Variants in WWOX observed in about 807,000 individuals in gnomAD.
The protein encoded by WWOX is WW domain containing oxidoreductase.
In WWOX, 69 loss-of-function variants were observed where a neutral mutation model predicts 46.2. That is an observed-to-expected ratio of 1.49 (90% CI 1.23 to 1.82). The LOEUF (loss-of-function observed/expected upper bound fraction) is 1.82, where lower values mean the gene tolerates loss of function less well. WWOX is among the 40% of genes most tolerant of loss of function. The pLI is 0.00. For synonymous variants in WWOX, 359 were observed against 202.6 expected, an observed-to-expected ratio of 1.77 and a Z score of -6.56; for missense variants, 919 against 542.6, an observed-to-expected ratio of 1.69 and a Z score of -6.89.
chr16:79,069,771 G>A lies in WWOX; in HGVS notation c.1057-141837G>A, dbSNP rs917651129. Among the ~76,000 whole-genome samples, 8 of 152,276 alleles carry A rather than the reference G, an allele frequency of 5.3e-5. No individual in the cohort carries two copies. The East Asian group carries it at 5.8e-4, about 11-fold the overall frequency. The stretch of plus-strand genomic sequence containing the variant: ...TGTTATTAGGGAAAGAAGAGAAGCC[G>A]GGAAGGAGGAGGAGGTTTCTGGGGT... On this transcript the variant is annotated intron_variant, in intron 8 of 8. Transcript: ENST00000566780.
chr16:78,384,108 G>A (rs1453714794), intron 5 of WWOX, among the ~76,000 whole-genome samples: 1 of 152,088 alleles, frequency 6.6e-6, no homozygotes, highest in African/African-American at 2.4e-5. Context: ...TGTTTTATGG[G>A]GGAAATACAT....
intron 8 of WWOX, among the ~76,000 whole-genome samples, chr16:78,548,192 G>A (rs983128909): frequency 4.6e-5 from 6 of 130,150 alleles, no homozygotes; most frequent in East Asian, 4.8e-4. Context: ...CGAATTTTGC[G>A]AGGACGCAAA....
At chr16:78,329,218 G>A (rs1452180482) in intron 5 of WWOX, among the ~76,000 whole-genome samples, 1 of 152,074 alleles carries the variant, frequency 6.6e-6, no homozygotes, top group Admixed American at 6.6e-5. Context: ...CAACCCCATG[G>A]TATCGGTGGA....
intron 8 of WWOX, among the ~76,000 whole-genome samples, chr16:78,646,425 A>G (rs545883711): frequency 1.6e-4 from 25 of 151,804 alleles, no homozygotes; most frequent in Non-Finnish European, 3.4e-4. Context: ...AACGCAATTT[A>G]TATATTTTAA....
intron 8 of WWOX, among the ~76,000 whole-genome samples, chr16:78,971,386 C>T (rs1008888800): frequency 7.4e-6 from 1 of 135,784 alleles, no homozygotes; most frequent in South Asian, 2.5e-4. Flanking sequence ...GTCCGGGAGG[C>T]GGAGGTTGCA....
At chr16:78,835,365 G>A (rs568968050) in intron 8 of WWOX, among the ~76,000 whole-genome samples, 3 of 152,220 alleles carry the variant, frequency 2.0e-5, no homozygotes, top group South Asian at 4.1e-4. Context: ...AAATCCACAC[G>A]TTGATAATGG....
chr16:78,671,117 C>T (rs1307388853), intron 8 of WWOX, among the ~76,000 whole-genome samples: 2 of 152,150 alleles, frequency 1.3e-5, no homozygotes, highest in Non-Finnish European at 2.9e-5. Flanking sequence ...GCTTCCTGAA[C>T]TGTGAAAGAA....
At chr16:78,265,490 C>CA (rs2079343041) in intron 5 of WWOX, among the ~76,000 whole-genome samples, 1 of 151,894 alleles carries the variant, frequency 6.6e-6, no homozygotes, top group African/African-American at 2.4e-5. Context: ...ACCAGCCTGA[C>CA]CAACATGGAG....
At chr16:78,834,245 G>A (rs963438710) in intron 8 of WWOX, among the ~76,000 whole-genome samples, 2 of 152,160 alleles carry the variant, frequency 1.3e-5, no homozygotes, top group African/African-American at 4.8e-5. Flanking sequence ...TAGCAAACAT[G>A]GAGAGGCCCA....
At chr16:78,362,044 C>T (rs1459559364) in intron 5 of WWOX, among the ~76,000 whole-genome samples, 1 of 146,440 alleles carries the variant, frequency 6.8e-6, no homozygotes. Context: ...TTCTGGTTGG[C>T]TTCTATGAAG....
At chr16:78,926,764 G>C (rs979900801) in intron 8 of WWOX, among the ~76,000 whole-genome samples, 15 of 152,116 alleles carry the variant, frequency 9.9e-5, no homozygotes, top group Non-Finnish European at 1.8e-4. Context: ...ATGGGTGTGA[G>C]TATTGAGAGC....
At chr16:78,793,788 AT>A (rs1303512914) in intron 8 of WWOX, among the ~76,000 whole-genome samples, 1 of 152,010 alleles carries the variant, frequency 6.6e-6, no homozygotes, top group Non-Finnish European at 1.5e-5. Context: ...AACAATGAAA[AT>A]TTTTGGCTGG....
chr16:78,181,126 A>T (rs546684808), intron 5 of WWOX, among the ~76,000 whole-genome samples: 1 of 152,318 alleles, frequency 6.6e-6, no homozygotes, highest in South Asian at 2.1e-4. Flanking sequence ...AGAGACAGGC[A>T]TACAGAGAAA....
At chr16:78,396,383 A>T (rs1321513143) in intron 6 of WWOX, among the ~76,000 whole-genome samples, 1 of 152,192 alleles carries the variant, frequency 6.6e-6, no homozygotes, top group Non-Finnish European at 1.5e-5. Flanking sequence ...TGTTCGAATT[A>T]ACCACACCAA....
At chr16:78,537,927 A>C (rs1233048526) in intron 8 of WWOX, among the ~76,000 whole-genome samples, 1 of 152,186 alleles carries the variant, frequency 6.6e-6, no homozygotes, top group Non-Finnish European at 1.5e-5. Context: ...TTCACCTTAC[A>C]GCAGCCCCGG....
At chr16:78,546,037 C>G (rs1391702099) in intron 8 of WWOX, among the ~76,000 whole-genome samples, 2 of 152,144 alleles carry the variant, frequency 1.3e-5, no homozygotes, top group South Asian at 2.1e-4. Flanking sequence ...CTGTAACATG[C>G]TCTATGCTGG....
intron 8 of WWOX, among the ~76,000 whole-genome samples, chr16:79,087,575 G>A (rs1336654435): frequency 2.6e-5 from 4 of 152,202 alleles, no homozygotes; most frequent in Non-Finnish European, 2.9e-5. Flanking sequence ...CTCTGTGCTG[G>A]ACAAGAAGTC....
rs192341899 is a variant in WWOX at position 78,334,037 on chromosome 16, T to A, written c.517-52823T>A. Among the ~76,000 whole-genome samples, 82 of 152,264 alleles carry A rather than the reference T, an allele frequency of 5.4e-4. 1 individual carries two copies. Among genetic ancestry groups the A allele is most frequent in the Non-Finnish European group, 7.3e-5 (5 of 68,030 alleles). On this transcript the variant is annotated intron_variant, in intron 5 of 8. Coordinates refer to ENST00000566780, the MANE Select transcript of WWOX (RefSeq NM_016373.4). Reference sequence around the variant, plus strand: ...GGTAAATGGAATGTAAATCCCCTCGTCCTCCAGACAGTAAAACGGCATTAT... The same window carrying A: ...GGTAAATGGAATGTAAATCCCCTCGACCTCCAGACAGTAAAACGGCATTAT...
chr16:79,136,637 G>C (rs979879678), intron 8 of WWOX, among the ~76,000 whole-genome samples: 6 of 152,210 alleles, frequency 3.9e-5, no homozygotes, highest in Non-Finnish European at 7.3e-5. Flanking sequence ...CTGGTGGTCA[G>C]TGCATGGATT....
Sources: gnomAD v4.1 joint callset for allele counts (sites outside exome capture counted in the v4.1 genomes callset) on GRCh38, gnomAD v4.1.1 for gene constraint, MANE v1.5 for transcripts, NCBI Gene and HGNC (gene_info 2026-07-23, HGNC 2026-07-21) for gene names.